MAGI2: variants seen among roughly 807,000 people sequenced by gnomAD.
MAGI2 encodes the protein membrane-associated guanylate kinase, WW and PDZ domain-containing protein 2.
MAGI2 carries 35 observed loss-of-function variants against 133.3 expected under a neutral mutation model. That is an observed-to-expected ratio of 0.26 (90% CI 0.20 to 0.35). The LOEUF is 0.35. MAGI2 is among the 10% of genes least tolerant of loss of function. The pLI is 1.00. For missense variants in MAGI2, 1,636 were observed against 1,863.4 expected, an observed-to-expected ratio of 0.88 and a Z score of 2.25; for synonymous variants, 729 against 710.6, an observed-to-expected ratio of 1.03 and a Z score of -0.41.
In MAGI2 at chr7:79,378,934, A is replaced by G. The variant is rs4642572; in HGVS notation, c.301+74086T>C. On this transcript the variant is annotated intron_variant, in intron 1 of 21. Coordinates refer to ENST00000354212, the MANE Select transcript of MAGI2 (RefSeq NM_012301.4). ...TATATATATGTGTGTGTGTATATAT[A>G]TATATATATATATATATATATATAT... 1.1e-3 allele frequency among the ~76,000 whole-genome samples: 32 copies of G among 29,128 alleles called. 1 individual carries two copies. Among genetic ancestry groups the G allele is most frequent in the African/African-American group, 4.4e-3 (27 of 6,132 alleles). 19.1% of individuals were successfully genotyped at this position (29,128 alleles called of 152,430 possible).
At chr7:78,860,912 G>T (rs1038149331) in intron 2 of MAGI2, among the ~76,000 whole-genome samples, 53 of 152,168 alleles carry the variant, frequency 3.5e-4, no homozygotes, top group Non-Finnish European at 7.1e-4. Context: ...CTTCCAGGCA[G>T]CTTTGTTTAC....
At chr7:78,107,071 T>A (rs1036004256) in intron 20 of MAGI2, among the ~76,000 whole-genome samples, 1 of 152,206 alleles carries the variant, frequency 6.6e-6, no homozygotes, top group African/African-American at 2.4e-5. Flanking sequence ...TTCTTCTGCA[T>A]ATGGATATCC....
chr7:78,804,170 A>G (rs1483558705), intron 2 of MAGI2, among the ~76,000 whole-genome samples: 2 of 152,188 alleles, frequency 1.3e-5, no homozygotes, highest in African/African-American at 4.8e-5. Flanking sequence ...ACGTTTTCCA[A>G]TATTTTCAGT....
chr7:79,323,029 G>A (rs1839318057), intron 1 of MAGI2, among the ~76,000 whole-genome samples: 1 of 151,868 alleles, frequency 6.6e-6, no homozygotes, highest in African/African-American at 2.4e-5. Context: ...GTAGTGACAG[G>A]GTCTCACTAT....
At position 78,194,940 on chromosome 7, in the gene MAGI2, A is replaced by G; in HGVS notation, c.2203T>C (p.Phe735Leu). The G allele has an allele frequency of 6.2e-7, 1 of 1,614,100 alleles. No individual in the cohort carries two copies. Among genetic ancestry groups the G allele is most frequent in the Non-Finnish European group, 8.5e-7 (1 of 1,179,970 alleles). The change falls in exon 12 of 22, where the codon TTT becomes CTT. Residue 735 changes from phenylalanine (F) to leucine (L), a missense_variant. This residue lies in a region of MAGI2 where 920 missense variants were observed against 1,093.5 expected (regional missense o/e 0.84). Coordinates refer to ENST00000354212, the MANE Select transcript of MAGI2 (RefSeq NM_012301.4). ...TATGGATCAGGCTTCCGTGGGTCAA[A>G]GGCCTCTGTTGAGTCAGGAAAGGAG... ...RSSFPDSTEA[F>L]DPRKPDPYEL...
At chr7:78,192,874 A>G (rs1193578046) in intron 12 of MAGI2, among the ~76,000 whole-genome samples, 3 of 152,084 alleles carry the variant, frequency 2.0e-5, no homozygotes, top group African/African-American at 7.2e-5. Context: ...CAGGGAGAGC[A>G]CCGATGAGGG....
chr7:78,478,570 G>A (rs1360520984), intron 6 of MAGI2, among the ~76,000 whole-genome samples: 2 of 152,022 alleles, frequency 1.3e-5, no homozygotes, highest in Non-Finnish European at 2.9e-5. Context: ...AAGTTTTAAA[G>A]TACTGTTATC....
intron 1 of MAGI2, among the ~76,000 whole-genome samples, chr7:79,213,419 A>G (rs1346140720): frequency 1.3e-5 from 2 of 151,956 alleles, no homozygotes; most frequent in Non-Finnish European, 2.9e-5. Context: ...CCTGGGCTCA[A>G]GCAATTCTCC....
chr7:79,094,333 T>A (rs1308092470), intron 1 of MAGI2, among the ~76,000 whole-genome samples: 3 of 152,240 alleles, frequency 2.0e-5, no homozygotes, highest in Non-Finnish European at 4.4e-5. Context: ...AGCAGTCACA[T>A]CTTCAGTCTC....
At chr7:78,499,241 C>G (rs1405963221) in intron 5 of MAGI2, among the ~76,000 whole-genome samples, 1 of 152,182 alleles carries the variant, frequency 6.6e-6, no homozygotes, top group African/African-American at 2.4e-5. Flanking sequence ...ATGACAGCTC[C>G]CATACCTGGA....
chr7:78,506,399 A>G (rs1795091019), intron 4 of MAGI2, among the ~76,000 whole-genome samples: 2 of 152,158 alleles, frequency 1.3e-5, no homozygotes, highest in African/African-American at 4.8e-5. Flanking sequence ...AACCTGAAAG[A>G]AAACAGCATA....
chr7:78,461,384 G>T (rs1048287103), intron 6 of MAGI2, among the ~76,000 whole-genome samples: 1 of 119,124 alleles, frequency 8.4e-6, no homozygotes, highest in South Asian at 2.8e-4. Context: ...TCCTGGACAC[G>T]TGTGTGTGCG....
chr7:78,439,668 TG>T lies in MAGI2; in HGVS notation c.1045+50092del, dbSNP rs753956259. ...ACTTTATGGCTAGATCCTTGGTTTT[TG>T]GCTTCTGAAATGTAATCTCTAATTC... is the stretch of plus-strand genomic sequence containing the variant. On this transcript the variant is annotated intron_variant, in intron 6 of 21. Coordinates refer to ENST00000354212, the MANE Select transcript of MAGI2 (RefSeq NM_012301.4). 5.3e-5 allele frequency among the ~76,000 whole-genome samples: 8 copies of T among 152,324 alleles called. No homozygotes were observed. The East Asian group carries it at 9.7e-4, about 18-fold the overall frequency.
At chr7:78,737,617 A>G (rs985083515) in intron 2 of MAGI2, among the ~76,000 whole-genome samples, 1 of 152,220 alleles carries the variant, frequency 6.6e-6, no homozygotes, top group African/African-American at 2.4e-5. Context: ...ATGTAGAAAG[A>G]GATATGAGAA....
chr7:79,201,746 G>T (rs1828636114), intron 1 of MAGI2, among the ~76,000 whole-genome samples: 1 of 151,636 alleles, frequency 6.6e-6, no homozygotes, highest in South Asian at 2.1e-4. Context: ...TGGAAAATGA[G>T]GTTTTACTAT....
intron 2 of MAGI2, among the ~76,000 whole-genome samples, chr7:78,790,135 T>C (rs1827136871): frequency 1.3e-5 from 2 of 152,172 alleles, no homozygotes; most frequent in Admixed American, 6.5e-5. Context: ...ATAAAACAAA[T>C]GTATATTATC....
intron 2 of MAGI2, among the ~76,000 whole-genome samples, chr7:78,663,464 C>T (rs955278203): frequency 6.6e-6 from 1 of 152,106 alleles, no homozygotes; most frequent in Non-Finnish European, 1.5e-5. Flanking sequence ...CTCTGCCTCC[C>T]AAAGTGCTGA....
chr7:78,708,905 T>A (rs323171), intron 2 of MAGI2, among the ~76,000 whole-genome samples: 102,480 of 151,840 alleles, frequency 0.67, 34,681 homozygotes, highest in East Asian at 0.77. Flanking sequence ...TCTTAGTTCC[T>A]ATATTCTACT....
chr7:78,773,193 C>T (rs969036353), intron 2 of MAGI2, among the ~76,000 whole-genome samples: 2 of 152,090 alleles, frequency 1.3e-5, no homozygotes, highest in Non-Finnish European at 2.9e-5. Context: ...AATACAGACA[C>T]AACTTTCAGG....
Sources: allele counts gnomAD v4.1 joint callset (sites outside exome capture counted in the v4.1 genomes callset), GRCh38; gene constraint gnomAD v4.1.1; regional missense constraint gnomAD v4.1.1; transcripts MANE v1.5; gene names NCBI Gene and HGNC (gene_info 2026-07-23, HGNC 2026-07-21).